Variants in CAB39L observed in about 807,000 individuals in gnomAD.
The protein encoded by CAB39L is calcium binding protein 39 like, also known as calcium-binding protein 39-like.
A neutral mutation model predicts 39.1 loss-of-function variants in CAB39L; 23 were observed. That is an observed-to-expected ratio of 0.59 (90% CI 0.42 to 0.83). The LOEUF (loss-of-function observed/expected upper bound fraction) is 0.83. Among genes scored for constraint, CAB39L ranks in the 40% least tolerant of loss-of-function variants. The pLI, the probability that CAB39L is intolerant of heterozygous loss-of-function variation, is 0.00. For missense variants in CAB39L, 366 were observed against 391.9 expected (o/e 0.93, Z 0.56); for synonymous variants, 126 against 137.2 (o/e 0.92, Z 0.57).
chr13:49,375,726 C>G (rs1332675796), intron 5 of CAB39L, among the ~76,000 whole-genome samples: 1 of 151,024 alleles, frequency 6.6e-6, no homozygotes, highest in Non-Finnish European at 1.5e-5. Context: ...AGCACACCAA[C>G]ATGGCACATG....
chr13:49,384,989 C>A (rs1208531332), intron 3 of CAB39L, among the ~76,000 whole-genome samples: 2 of 152,208 alleles, frequency 1.3e-5, no homozygotes, highest in African/African-American at 4.8e-5. Context: ...TTACCAGCTG[C>A]ATTAGCTCCT....
chr13:49,328,652 G>A (rs1031611559), intron 10 of CAB39L, among the ~76,000 whole-genome samples: 3 of 152,032 alleles, frequency 2.0e-5, no homozygotes, highest in Admixed American at 6.6e-5. Flanking sequence ...GTAAAACAGC[G>A]AGACCTCATC....
intron 10 of CAB39L, among the ~76,000 whole-genome samples, chr13:49,331,208 G>A (rs1233710485): frequency 6.6e-6 from 1 of 152,118 alleles, no homozygotes; most frequent in Non-Finnish European, 1.5e-5. Flanking sequence ...GCTCATGCCT[G>A]TAATCCCAGC....
At chr13:49,393,639 G>T (rs1956537486) in intron 3 of CAB39L, among the ~76,000 whole-genome samples, 1 of 151,708 alleles carries the variant, frequency 6.6e-6, no homozygotes, top group South Asian at 2.1e-4. Context: ...AAATAATAAA[G>T]AGACTGTGGA....
At chr13:49,352,379 G>C (rs1006669100) in intron 6 of CAB39L, among the ~76,000 whole-genome samples, 2 of 151,970 alleles carry the variant, frequency 1.3e-5, no homozygotes, top group Non-Finnish European at 2.9e-5. Flanking sequence ...ACAATTGTGT[G>C]GTAAATATAG....
Position 49,339,756 on chromosome 13 carries a change from A to G in CAB39L, c.625-14T>C, listed in dbSNP as rs769796787. Reference sequence around the variant, plus strand: ...GTCTTCAAAAATCTAATGAAAAGAAAATACACATTAGAGTGTAAAAGCAGC... The same window carrying G: ...GTCTTCAAAAATCTAATGAAAAGAAGATACACATTAGAGTGTAAAAGCAGC... On this transcript the variant is annotated splice_polypyrimidine_tract_variant and intron_variant, in intron 8 of 10. Transcript: ENST00000409308. 1 of 1,565,226 alleles carries G rather than the reference A, an allele frequency of 6.4e-7. No homozygotes were observed. Among genetic ancestry groups the G allele is most frequent in the Admixed American group, 1.9e-5 (1 of 52,720 alleles).
At chr13:49,368,003 A>G (rs914989129) in intron 5 of CAB39L, among the ~76,000 whole-genome samples, 3 of 152,246 alleles carry the variant, frequency 2.0e-5, no homozygotes, top group African/African-American at 7.2e-5. Context: ...CTGTATAAAA[A>G]AAGATATAGC....
At chr13:49,328,656 C>A (rs892194590) in intron 10 of CAB39L, among the ~76,000 whole-genome samples, 1 of 151,994 alleles carries the variant, frequency 6.6e-6, no homozygotes, top group Non-Finnish European at 1.5e-5. Flanking sequence ...AACAGCGAGA[C>A]CTCATCACTG....
intron 5 of CAB39L, among the ~76,000 whole-genome samples, chr13:49,366,897 T>C (rs1193089616): frequency 6.6e-6 from 1 of 152,014 alleles, no homozygotes; most frequent in Non-Finnish European, 1.5e-5. Flanking sequence ...ATGCCTGTAA[T>C]CCCAGCTACT....
intron 7 of CAB39L, among the ~76,000 whole-genome samples, chr13:49,349,645 T>A (rs1374305552): frequency 1.3e-5 from 2 of 152,016 alleles, no homozygotes; most frequent in Non-Finnish European, 2.9e-5. Flanking sequence ...TCTATTTATA[T>A]CTTAAAATTA....
At chr13:49,343,504 G>A (rs1157474186) in intron 8 of CAB39L, among the ~76,000 whole-genome samples, 1 of 152,032 alleles carries the variant, frequency 6.6e-6, no homozygotes, top group Non-Finnish European at 1.5e-5. Flanking sequence ...CTTAGGGGGT[G>A]CAAGGGCCAG....
At chr13:49,420,063 T>A (rs1346704168) in intron 3 of CAB39L, among the ~76,000 whole-genome samples, 1 of 152,200 alleles carries the variant, frequency 6.6e-6, no homozygotes, top group Non-Finnish European at 1.5e-5. Flanking sequence ...ACGCATTAAC[T>A]TTAGATTAGA....
intron 10 of CAB39L, among the ~76,000 whole-genome samples, chr13:49,321,854 A>G (rs914909561): frequency 1.3e-5 from 2 of 152,208 alleles, no homozygotes; most frequent in Non-Finnish European, 2.9e-5. Flanking sequence ...ATGTCTGGAC[A>G]CTTCCTTAGA....
At chr13:49,373,510 A>G (rs772591741) in intron 5 of CAB39L, among the ~76,000 whole-genome samples, 9 of 152,212 alleles carry the variant, frequency 5.9e-5, no homozygotes, top group Admixed American at 2.0e-4. Context: ...CTGCTATCCA[A>G]AGAAGCACCA....
intron 3 of CAB39L, among the ~76,000 whole-genome samples, chr13:49,414,847 A>G (rs184936843): frequency 2.6e-5 from 4 of 152,208 alleles, no homozygotes; most frequent in Admixed American, 2.6e-4. Flanking sequence ...TAAGTGGAAA[A>G]TTTGTTTTAA....
At chr13:49,419,771 G>A (rs931070805) in intron 3 of CAB39L, among the ~76,000 whole-genome samples, 3 of 152,006 alleles carry the variant, frequency 2.0e-5, no homozygotes, top group Non-Finnish European at 2.9e-5. Flanking sequence ...CTTTAACCGG[G>A]ATTTTATGAC....
At chr13:49,326,692 G>C (rs1555671) in intron 10 of CAB39L, among the ~76,000 whole-genome samples, 1 of 151,928 alleles carries the variant, frequency 6.6e-6, no homozygotes, top group African/African-American at 2.4e-5. Flanking sequence ...GAACATAGCC[G>C]GGGTACGGGG....
chr13:49,346,993 A>G (rs1955197629), intron 7 of CAB39L, among the ~76,000 whole-genome samples: 1 of 152,186 alleles, frequency 6.6e-6, no homozygotes, highest in African/African-American at 2.4e-5. Flanking sequence ...AGTCCCTTTA[A>G]GAGCTCAAAA....
At chr13:49,425,668 C>T (rs572101721) in intron 3 of CAB39L, among the ~76,000 whole-genome samples, 1 of 152,094 alleles carries the variant, frequency 6.6e-6, no homozygotes, top group African/African-American at 2.4e-5. Context: ...ATTCACTGAC[C>T]CACACAATTT....
Sources: gnomAD v4.1 joint callset for allele counts (sites outside exome capture counted in the v4.1 genomes callset) on GRCh38, gnomAD v4.1.1 for gene constraint, MANE v1.5 for transcripts, NCBI Gene and HGNC (gene_info 2026-07-23, HGNC 2026-07-21) for gene names.